Variants in PLEKHA7 observed in about 807,000 individuals in gnomAD.
The protein encoded by PLEKHA7 is pleckstrin homology domain-containing family A member 7.
In PLEKHA7, 104 loss-of-function variants were observed where a neutral mutation model predicts 170.0. That is an observed-to-expected ratio of 0.61 (90% confidence interval 0.52 to 0.72). The LOEUF (loss-of-function observed/expected upper bound fraction) is 0.72. Among genes scored for constraint, PLEKHA7 ranks in the 30% least tolerant of loss-of-function variants. The probability of loss-of-function intolerance (pLI) is 0.00; values close to 1 mark genes in which losing one functional copy is unlikely to be tolerated. For missense variants in PLEKHA7, 1,615 were observed against 1,671.7 expected (o/e 0.97, Z 0.59); for synonymous variants, 648 against 660.8 (o/e 0.98, Z 0.30).
rs775934808 is a variant in PLEKHA7, at chr11:16,817,200, C to T, written c.1466G>A (p.Arg489Gln). 10 of 1,613,918 alleles carry T rather than the reference C, an allele frequency of 6.2e-6. No individual in the cohort carries two copies. Among genetic ancestry groups the T allele is most frequent in the Admixed American group, 1.7e-5 (1 of 59,990 alleles). Reference sequence around the variant, plus strand: ...ATACTTGTAGTCACTTGGCAGGTTTCGGGGAGGTGGCGAGGAGCCCCCCGA... The same window carrying T: ...ATACTTGTAGTCACTTGGCAGGTTTTGGGGAGGTGGCGAGGAGCCCCCCGA... ...HPSGGSSPPP[R>Q]NLPSDYKYAQ... Residue 489 changes from arginine to glutamine, a missense_variant, in exon 11 of 27, where the codon CGA becomes CAA. Arg to Gln is a conservative substitution (Grantham distance 43). Transcript: ENST00000531066. This position sits in a 1 kb window ranked among gnomAD's most constrained non-coding sequence, Gnocchi z 4.4.
intron 3 of PLEKHA7, among the ~76,000 whole-genome samples, chr11:16,933,679 T>G (rs543066448): frequency 6.6e-6 from 1 of 152,300 alleles, no homozygotes; most frequent in East Asian, 1.9e-4. Context: ...TAGTTTGACA[T>G]GTTGATTAAA....
chr11:16,790,312 C>T (rs1254569463), intron 21 of PLEKHA7: 2 of 209,898 alleles, frequency 9.5e-6, no homozygotes, highest in Non-Finnish European at 1.9e-5. Context: ...TAGAGTGGCA[C>T]TCTGGAAGGT....
At chr11:16,922,154 C>T (rs2136247266) in intron 3 of PLEKHA7, among the ~76,000 whole-genome samples, 1 of 139,960 alleles carries the variant, frequency 7.1e-6, no homozygotes, top group African/African-American at 2.6e-5. Flanking sequence ...CAGGTATGGC[C>T]TCTGGTAGCA....
rs1861718587 is a variant in PLEKHA7, at chr11:16,956,634, T to C, written c.221+57355A>G. On this transcript the variant is annotated intron_variant, in intron 3 of 26. Transcript: ENST00000531066. ...GTATTTTAGTTATACCTAATCCAGG[T>C]CTGTGACAGGGATAAAGGGAAATCC... Among the ~76,000 whole-genome samples the C allele has an allele frequency of 2.0e-5, 3 of 152,296 alleles. No homozygotes were observed. In the South Asian group the frequency reaches 6.2e-4, roughly 32 times the overall value.
At chr11:16,940,281 GTTTTTTTTTT>G (rs71047516) in intron 3 of PLEKHA7, among the ~76,000 whole-genome samples, 7 of 110,410 alleles carry the variant, frequency 6.3e-5, no homozygotes, top group African/African-American at 2.0e-4. Flanking sequence ...TTCTTCTGCT[GTTTTTTTTTT>G]TTTTTTTTTT....
chr11:16,998,077 G>A (rs1864448076), intron 3 of PLEKHA7, among the ~76,000 whole-genome samples: 1 of 152,180 alleles, frequency 6.6e-6, no homozygotes, highest in Admixed American at 6.5e-5. Context: ...AAATGAGGAT[G>A]ATAACCGTAC....
intron 9 of PLEKHA7, among the ~76,000 whole-genome samples, chr11:16,836,803 T>TTTG (rs1554942867): frequency 0.064 from 9,773 of 151,916 alleles, 1,011 homozygotes; most frequent in African/African-American, 0.22. Context: ...GGGCTTTTTT[T>TTTG]TTTTGTTTTT....
Position 17,013,985 on chromosome 11 carries a change from T to A in PLEKHA7, c.221+4A>T. 6.5e-7 allele frequency: 1 copy of A among 1,538,618 alleles called. No individual in the cohort carries two copies. The highest frequency in any genetic ancestry group is 1.2e-5 in the South Asian group (1 of 83,264). On this transcript the variant is annotated splice_donor_region_variant and intron_variant, in intron 3 of 26. Coordinates refer to ENST00000531066, the MANE Select transcript of PLEKHA7 (RefSeq NM_001329630.2). ...GTGCGAGCGCGGCGGCCCCACTCAC[T>A]CACTCGATGAAGTAGCTGGCGCCCT...
intron 3 of PLEKHA7, among the ~76,000 whole-genome samples, chr11:16,931,576 A>T (rs1406528345): frequency 1.3e-5 from 2 of 152,040 alleles, no homozygotes; most frequent in East Asian, 3.9e-4. Flanking sequence ...TATACAAAAC[A>T]AACAAACACA....
chr11:16,870,641 CA>C (rs11321089), intron 4 of PLEKHA7, among the ~76,000 whole-genome samples: 6,134 of 110,698 alleles, frequency 0.055, 247 homozygotes, highest in African/African-American at 0.13. Flanking sequence ...GACCCTGCCT[CA>C]AAAAAAAAAA....
chr11:17,005,230 G>A (rs1474113223), intron 3 of PLEKHA7, among the ~76,000 whole-genome samples: 1 of 152,086 alleles, frequency 6.6e-6, no homozygotes, highest in Non-Finnish European at 1.5e-5. Context: ...TACTCCCATA[G>A]ACATCAAAAG....
In PLEKHA7 at chr11:16,791,144, T is replaced by C. The variant is rs1847823464; in HGVS notation, c.2801A>G (p.Gln934Arg). Residue 934 changes from glutamine (Q) to arginine (R), a missense_variant, in exon 20 of 27, where the codon CAG (glutamine) becomes CGG (arginine). By Grantham distance (43) the Gln-to-Arg change is conservative (BLOSUM62 1). Coordinates refer to ENST00000531066, the MANE Select transcript of PLEKHA7 (RefSeq NM_001329630.2). The surrounding 1 kb of genome is among the most constrained non-coding windows in gnomAD (Gnocchi z 4.5). Reference sequence around the variant, plus strand: ...TGGCAGAGGCGGCACAGCCGGGGGCTGGTCCTCTGGGCTGTAGAGTTCGGG... The same window carrying C: ...TGGCAGAGGCGGCACAGCCGGGGGCCGGTCCTCTGGGCTGTAGAGTTCGGG... Reference protein sequence around the residue: ...PLPELYSPEDQPPAVPPLPRE... With the variant: ...PLPELYSPEDRPPAVPPLPRE... 1.9e-6 allele frequency: 3 copies of C among 1,613,798 alleles called. No individual in the cohort carries two copies. Among genetic ancestry groups the C allele is most frequent in the Non-Finnish European group, 1.7e-6 (2 of 1,179,844 alleles).
intron 23 of PLEKHA7, 36 bp from the exon 24 acceptor site, chr11:16,786,423 C>T: frequency 6.5e-7 from 1 of 1,534,156 alleles, no homozygotes; most frequent in Non-Finnish European, 8.7e-7. Flanking sequence ...GTAGTCGCTT[C>T]CTGATTGCTG....
chr11:16,810,156 T>C (rs1009222646), intron 13 of PLEKHA7, among the ~76,000 whole-genome samples: 1 of 152,242 alleles, frequency 6.6e-6, no homozygotes, highest in Non-Finnish European at 1.5e-5. Context: ...CGAATTAGTA[T>C]ATTCCCTTTT....
chr11:16,902,590 C>T (rs1389735212), intron 3 of PLEKHA7, among the ~76,000 whole-genome samples: 1 of 152,196 alleles, frequency 6.6e-6, no homozygotes, highest in Non-Finnish European at 1.5e-5. Context: ...TCCTTGATGG[C>T]TAATGATGCT....
At chr11:16,946,347 C>T (rs964529281) in intron 3 of PLEKHA7, among the ~76,000 whole-genome samples, 1 of 152,196 alleles carries the variant, frequency 6.6e-6, no homozygotes, top group Non-Finnish European at 1.5e-5. Flanking sequence ...CCCACCAGAA[C>T]CCTCAACCCT....
chr11:16,910,508 C>CAT (rs1442756103), intron 3 of PLEKHA7, among the ~76,000 whole-genome samples: 9 of 152,218 alleles, frequency 5.9e-5, no homozygotes, highest in Admixed American at 6.5e-5. Context: ...AGTCCCCAAA[C>CAT]ATAAAAATAA....
In PLEKHA7 at chr11:16,898,545, A is replaced by C. The variant is rs531363739; in HGVS notation, c.222-27363T>G. On this transcript the variant is annotated intron_variant, in intron 3 of 26. Coordinates refer to ENST00000531066, the MANE Select transcript of PLEKHA7 (RefSeq NM_001329630.2). ...ATAGTGCCTACTTTGGAGCATTTCA[A>C]GAAGAAGCAAGGCTGAATGTAACAA... Among the ~76,000 whole-genome samples the C allele has an allele frequency of 4.7e-4, 71 of 152,352 alleles. 1 individual carries two copies. Among genetic ancestry groups the C allele is most frequent in the Non-Finnish European group, 3.1e-4 (21 of 68,026 alleles).
intron 17 of PLEKHA7, among the ~76,000 whole-genome samples, chr11:16,795,929 C>T (rs569802252): frequency 2.1e-5 from 3 of 141,284 alleles, no homozygotes; most frequent in Non-Finnish European, 4.5e-5. Context: ...CATCTCGGCT[C>T]ACTGCAACCT....
Sources: allele counts gnomAD v4.1 joint callset (sites outside exome capture counted in the v4.1 genomes callset), GRCh38; gene constraint gnomAD v4.1.1; non-coding constraint Gnocchi (gnomAD v3.1); transcripts MANE v1.5; gene names NCBI Gene and HGNC (gene_info 2026-07-23, HGNC 2026-07-21).